Variants in RPSA2 observed in about 807,000 individuals in gnomAD.
RPSA2 encodes small ribosomal subunit protein uS2B.
chr19:23,826,699 A>T, the RPSA2 span, among the ~76,000 whole-genome samples: 14 of 151,808 alleles, frequency 9.2e-5, no homozygotes, highest in Admixed American at 2.0e-4. Context: ...ATATATATAT[A>T]TTTTTTGAGA....
the RPSA2 span, among the ~76,000 whole-genome samples, chr19:23,861,658 C>T: frequency 2.0e-5 from 3 of 152,112 alleles, no homozygotes; most frequent in African/African-American, 4.8e-5. Flanking sequence ...AGTCAGTTCA[C>T]GTACTAACAT....
At chr19:23,758,677 A>C in the RPSA2 span, 1 of 1,612,362 alleles carries the variant, frequency 6.2e-7, no homozygotes, top group Non-Finnish European at 8.5e-7. Flanking sequence ...TGTGGAGCTG[A>C]CTGCGGCGAG....
chr19:23,769,404 C>A, the RPSA2 span, among the ~76,000 whole-genome samples: 1 of 152,048 alleles, frequency 6.6e-6, no homozygotes, highest in Non-Finnish European at 1.5e-5. Flanking sequence ...AGTGCAGTGG[C>A]AAAATCTTGG....
the RPSA2 span, among the ~76,000 whole-genome samples, chr19:23,772,387 A>G: frequency 1.3e-5 from 2 of 152,188 alleles, no homozygotes; most frequent in African/African-American, 4.8e-5. Context: ...CTGAAATCCC[A>G]GGTGATGTGA....
At chr19:23,781,116 C>A in the RPSA2 span, among the ~76,000 whole-genome samples, 150,807 of 152,240 alleles carry the variant, frequency 0.99, 74,712 homozygotes, top group Middle Eastern at 1. Flanking sequence ...CTGGGACTAC[C>A]GGTGCATGCC....
the RPSA2 span, among the ~76,000 whole-genome samples, chr19:23,848,229 C>A: frequency 6.6e-6 from 1 of 152,142 alleles, no homozygotes; most frequent in African/African-American, 2.4e-5. Flanking sequence ...AATTTATGTT[C>A]CTCTGCCGTG....
chr19:23,767,676 A>G, the RPSA2 span, among the ~76,000 whole-genome samples: 2 of 151,178 alleles, frequency 1.3e-5, no homozygotes, highest in Non-Finnish European at 1.5e-5. Context: ...TTGACAGTGG[A>G]GTCAGACATG....
the RPSA2 span, among the ~76,000 whole-genome samples, chr19:23,841,635 A>G: frequency 6.6e-6 from 1 of 152,162 alleles, no homozygotes; most frequent in Non-Finnish European, 1.5e-5. Context: ...GGTTACTGGA[A>G]AAACACTCAT....
the RPSA2 span, among the ~76,000 whole-genome samples, chr19:23,870,605 C>T: frequency 6.6e-6 from 1 of 152,120 alleles, no homozygotes; most frequent in Non-Finnish European, 1.5e-5. Context: ...TCCAGCAAGG[C>T]CTGGAGAGCC....
At chr19:23,865,735 A>C in the RPSA2 span, among the ~76,000 whole-genome samples, 1 of 152,098 alleles carries the variant, frequency 6.6e-6, no homozygotes, top group Non-Finnish European at 1.5e-5. Context: ...ATGGCAAGGG[A>C]ACTTTTGGGA....
chr19:23,852,757 G>C, the RPSA2 span, among the ~76,000 whole-genome samples: 1 of 152,202 alleles, frequency 6.6e-6, no homozygotes, highest in Non-Finnish European at 1.5e-5. Flanking sequence ...GCCAGTTTAT[G>C]GCCAGATTTT....
At chr19:23,779,749 C>G in the RPSA2 span, among the ~76,000 whole-genome samples, 1 of 152,172 alleles carries the variant, frequency 6.6e-6, no homozygotes, top group Admixed American at 6.5e-5. Flanking sequence ...ATATCTGTAT[C>G]CATTACATAA....
At chr19:23,777,823 C>G in the RPSA2 span, among the ~76,000 whole-genome samples, 6 of 152,086 alleles carry the variant, frequency 3.9e-5, no homozygotes, top group Non-Finnish European at 5.9e-5. Context: ...TGAAGTATAG[C>G]TGGTTTCAAT....
the RPSA2 span, among the ~76,000 whole-genome samples, chr19:23,764,735 C>T: frequency 8.6e-6 from 1 of 116,692 alleles, no homozygotes; most frequent in South Asian, 2.4e-4. Context: ...CTGCCTCAGC[C>T]TCCCAAGTCT....
the RPSA2 span, among the ~76,000 whole-genome samples, chr19:23,766,142 C>CTTTTTTTT: frequency 6.9e-4 from 30 of 43,286 alleles, 11 homozygotes; most frequent in African/African-American, 1.0e-3. Context: ...TATTTCATTT[C>CTTTTTTTT]CTTTTTTTTT....
the RPSA2 span, among the ~76,000 whole-genome samples, chr19:23,849,576 C>T: frequency 1.3e-5 from 2 of 152,142 alleles, no homozygotes; most frequent in African/African-American, 4.8e-5. Flanking sequence ...TGGGGAATAT[C>T]ATACGAGGCC....
the RPSA2 span, among the ~76,000 whole-genome samples, chr19:23,820,140 G>A: frequency 1.3e-5 from 2 of 152,178 alleles, no homozygotes; most frequent in Non-Finnish European, 2.9e-5. Context: ...ACAAGGTGTG[G>A]CCCCTATTTC....
the RPSA2 span, among the ~76,000 whole-genome samples, chr19:23,778,758 A>G: frequency 3.9e-5 from 6 of 152,228 alleles, no homozygotes; most frequent in South Asian, 2.1e-4. Context: ...GGAACTGTCC[A>G]TAATGAGGAT....
chr19:23,852,211 A>G, the RPSA2 span, among the ~76,000 whole-genome samples: 1 of 152,182 alleles, frequency 6.6e-6, no homozygotes, highest in African/African-American at 2.4e-5. Flanking sequence ...TGGAGATGGG[A>G]ATCTTCATGC....
Sources: allele counts gnomAD v4.1 joint callset (sites outside exome capture counted in the v4.1 genomes callset), GRCh38; gene constraint gnomAD v4.1.1; transcripts MANE v1.5; gene names NCBI Gene and HGNC (gene_info 2026-07-23, HGNC 2026-07-21).